The following RAPGEF5 variants were observed in gnomAD, a reference collection of about 807,000 sequenced individuals.
RAPGEF5 encodes the protein Rap guanine nucleotide exchange factor 5.
In RAPGEF5, 65 loss-of-function variants were observed where a neutral mutation model predicts 125.2. The ratio of observed to expected loss-of-function variants is 0.52; its 90% CI spans 0.43 to 0.64. The LOEUF is 0.64. Ranked by LOEUF, RAPGEF5 falls within the 30% of genes least tolerant of loss-of-function variation. RAPGEF5 has a pLI of 0.00. For missense variants in RAPGEF5, 958 were observed against 1,048.1 expected (o/e 0.91, Z 1.19); for synonymous variants, 391 against 385.9 (o/e 1.01, Z -0.16).
chr7:22,189,733 C>A (rs537504487), intron 11 of RAPGEF5, among the ~76,000 whole-genome samples: 52 of 152,054 alleles, frequency 3.4e-4, no homozygotes, highest in African/African-American at 1.2e-3. Context: ...TATCTAGTTA[C>A]CAGACTCATA....
chr7:22,263,054 G>C (rs1033123145), intron 7 of RAPGEF5, among the ~76,000 whole-genome samples: 8 of 152,288 alleles, frequency 5.3e-5, no homozygotes, highest in Admixed American at 1.3e-4. Flanking sequence ...CATGTGAAAA[G>C]AGCCCATTTC....
intron 6 of RAPGEF5, among the ~76,000 whole-genome samples, chr7:22,278,987 T>A (rs1782616583): frequency 6.6e-6 from 1 of 152,110 alleles, no homozygotes; most frequent in Non-Finnish European, 1.5e-5. Context: ...TGCACACAGA[T>A]CTCTTATATG....
Position 22,254,742 on chromosome 7 carries a change from T to C in RAPGEF5, c.796+12222A>G, listed in dbSNP as rs550554815. The stretch of plus-strand genomic sequence containing the variant: ...CTTGGAGAGGAAGGGGGAGATGGGA[T>C]GGTTTTGGGATAAAATTGTTCCACC... On this transcript the variant is annotated intron_variant, in intron 7 of 25. Coordinates refer to ENST00000665637, the MANE Select transcript of RAPGEF5 (RefSeq NM_012294.5). Among the ~76,000 whole-genome samples, 19 of 151,334 alleles carry C rather than the reference T, an allele frequency of 1.3e-4. No individual in the cohort carries two copies. In the South Asian group the frequency reaches 3.3e-3, roughly 27 times the overall value.
At chr7:22,190,908 T>C (rs927638527) in intron 11 of RAPGEF5, among the ~76,000 whole-genome samples, 4 of 152,116 alleles carry the variant, frequency 2.6e-5, no homozygotes, top group Non-Finnish European at 5.9e-5. Flanking sequence ...AGGGCCACCA[T>C]ATGGCTACAC....
chr7:22,136,934 G>A lies in RAPGEF5; in HGVS notation c.2327C>T (p.Thr776Ile). The change falls in exon 22 of 26, where the codon ACA (threonine) becomes ATA (isoleucine). Residue 776 changes from threonine (T) to isoleucine (I), a missense_variant and splice_region_variant. Physicochemically the swap from Thr to Ile is moderately conservative, Grantham distance 89. Transcript: ENST00000665637. ...KKLFSELESL[T>I]DPSLNHKAYR... ...GTCCCCTTTGGCTCAACTACTTACT[G>A]TTAAACTTTCAAGTTCAGAGAAAAG... 2.5e-6 allele frequency: 4 copies of A among 1,580,264 alleles called. No homozygotes were observed. Among genetic ancestry groups the A allele is most frequent in the South Asian group, 2.3e-5 (2 of 87,382 alleles).
intron 1 of RAPGEF5, chr7:22,355,871 A>G (rs1166834857): frequency 1.2e-6 from 1 of 804,494 alleles, no homozygotes; most frequent in African/African-American, 1.9e-5. Context: ...GTCAGACAAG[A>G]CTGCATTTTA....
chr7:22,244,295 C>T (rs1426176547), intron 7 of RAPGEF5, among the ~76,000 whole-genome samples: 4 of 152,016 alleles, frequency 2.6e-5, no homozygotes, highest in East Asian at 1.9e-4. Context: ...TTGTGAATAC[C>T]GTAATGCAGA....
intron 5 of RAPGEF5, among the ~76,000 whole-genome samples, chr7:22,301,737 C>A (rs1783210112): frequency 6.6e-6 from 1 of 150,968 alleles, no homozygotes; most frequent in Non-Finnish European, 1.5e-5. Context: ...TAACCTATAA[C>A]AAAAACTAAT....
chr7:22,303,970 C>A lies in RAPGEF5; in HGVS notation c.680+4369G>T, dbSNP rs144925496. On this transcript the variant is annotated intron_variant, in intron 5 of 25. Coordinates refer to ENST00000665637, the MANE Select transcript of RAPGEF5 (RefSeq NM_012294.5). ...GCATGAGGAAGTAAAGAGGGGTGGG[C>A]CAGGGGTGAAAAGAATGGGATAGGA... 4.3e-4 allele frequency among the ~76,000 whole-genome samples: 66 copies of A among 152,110 alleles called. 2 individuals carry two copies. The East Asian group carries it at 0.012, about 28-fold the overall frequency.
Position 22,230,873 on chromosome 7 carries a change from T to G in RAPGEF5, c.843A>C (p.Thr281=). The G allele has an allele frequency of 6.4e-7, 1 of 1,566,876 alleles. No homozygotes were observed. Among genetic ancestry groups the G allele is most frequent in the Non-Finnish European group, 8.7e-7 (1 of 1,153,720 alleles). Residue 281 remains threonine (T), a synonymous_variant, in exon 8 of 26, where the codon ACA becomes ACC. Transcript: ENST00000665637. Reference sequence around the variant, plus strand: ...GAGAATCTGGAACACTTTCGGCTTCTGTTACAGCTACATGTTTGTCGTTGT... The same window carrying G: ...GAGAATCTGGAACACTTTCGGCTTCGGTTACAGCTACATGTTTGTCGTTGT... ...EENNDKHVAV[T]EAESVPDSQA...
At chr7:22,198,308 C>G (rs1441416264) in intron 9 of RAPGEF5, among the ~76,000 whole-genome samples, 2 of 152,224 alleles carry the variant, frequency 1.3e-5, no homozygotes, top group African/African-American at 4.8e-5. Flanking sequence ...GCCTGCCCTG[C>G]TTTGCATCCT....
intron 6 of RAPGEF5, among the ~76,000 whole-genome samples, chr7:22,272,439 A>G (rs1782456828): frequency 6.6e-6 from 1 of 151,904 alleles, no homozygotes; most frequent in Non-Finnish European, 1.5e-5. Context: ...GGTCTTAGTT[A>G]CCAAAGCGTT....
At chr7:22,175,770 G>C (rs1309706412) in intron 11 of RAPGEF5, among the ~76,000 whole-genome samples, 1 of 152,118 alleles carries the variant, frequency 6.6e-6, no homozygotes, top group African/African-American at 2.4e-5. Flanking sequence ...TTAGAAGCCT[G>C]AGATATGGTT....
chr7:22,122,077 C>A lies in RAPGEF5; in HGVS notation c.*329G>T. 4.0e-6 allele frequency: 1 copy of A among 247,586 alleles called. No individual in the cohort carries two copies. Among genetic ancestry groups the A allele is most frequent in the Non-Finnish European group, 8.0e-6 (1 of 124,250 alleles). 15.3% of individuals were successfully genotyped at this position (247,586 alleles called of 1,614,324 possible). ...AATATTTGGTCATTGCATGTCAAGACGTTGTCTTGTCTTGATGCTGGCACA... is the reference window on the plus strand; with the variant it reads ...AATATTTGGTCATTGCATGTCAAGAAGTTGTCTTGTCTTGATGCTGGCACA... On this transcript the variant is annotated 3_prime_UTR_variant, in exon 26 of 26. Transcript: ENST00000665637.
intron 7 of RAPGEF5, among the ~76,000 whole-genome samples, chr7:22,252,142 A>G (rs1391485237): frequency 6.6e-6 from 1 of 152,170 alleles, no homozygotes; most frequent in Non-Finnish European, 1.5e-5. Context: ...ATGTCTCAGG[A>G]AACTGTTTCT....
At chr7:22,132,155 T>A (rs540908606) in intron 23 of RAPGEF5, among the ~76,000 whole-genome samples, 4 of 152,346 alleles carry the variant, frequency 2.6e-5, no homozygotes, top group Non-Finnish European at 4.4e-5. Context: ...GTATTTGCTT[T>A]TAATCAAGAT....
intron 5 of RAPGEF5, among the ~76,000 whole-genome samples, chr7:22,304,466 T>C (rs763762504): frequency 3.3e-5 from 5 of 152,338 alleles, no homozygotes; most frequent in South Asian, 4.1e-4. Flanking sequence ...TATTATTAGG[T>C]TGCAAATTTT....
intron 20 of RAPGEF5, among the ~76,000 whole-genome samples, chr7:22,142,605 C>A (rs1314428976): frequency 6.6e-6 from 1 of 152,178 alleles, no homozygotes; most frequent in East Asian, 1.9e-4. Flanking sequence ...CTGGAGAAGA[C>A]AAATTGATAC....
intron 7 of RAPGEF5, among the ~76,000 whole-genome samples, chr7:22,244,262 C>A (rs1786417370): frequency 6.6e-6 from 1 of 151,944 alleles, no homozygotes; most frequent in African/African-American, 2.4e-5. Flanking sequence ...ATGGACACTT[C>A]CGTTGATTCC....
Sources: gnomAD v4.1 joint callset for allele counts (sites outside exome capture counted in the v4.1 genomes callset) on GRCh38, gnomAD v4.1.1 for gene constraint, MANE v1.5 for transcripts, NCBI Gene and HGNC (gene_info 2026-07-23, HGNC 2026-07-21) for gene names.